The following ZMIZ1 variants were observed in gnomAD, a reference collection of about 807,000 sequenced individuals.
ZMIZ1 encodes zinc finger MIZ-type containing 1.
Under a neutral mutation model 113.9 loss-of-function variants are expected in ZMIZ1, and 17 were observed. That is an observed-to-expected ratio of 0.15 (90% confidence interval 0.10 to 0.22). The LOEUF (loss-of-function observed/expected upper bound fraction) is 0.22, where lower values mean the gene tolerates loss of function less well. ZMIZ1 is among the 10% of genes least tolerant of loss of function. The pLI is 1.00. For synonymous variants in ZMIZ1, 607 were observed against 603.1 expected (o/e 1.01, Z -0.09); for missense variants, 1,059 against 1,477.8 (o/e 0.72, Z 4.65).
At chr10:79,312,587 G>T in intron 24 of ZMIZ1, 55 bp from the exon 25 acceptor site, 2 of 1,591,726 alleles carry the variant, frequency 1.3e-6, no homozygotes, top group Non-Finnish European at 1.7e-6. Context: ...TTCCTCACCC[G>T]GGGCCTGCCT....
intron 2 of ZMIZ1, among the ~76,000 whole-genome samples, chr10:79,127,839 C>T (rs773195557): frequency 4.6e-5 from 7 of 152,150 alleles, no homozygotes; most frequent in Non-Finnish European, 1.0e-4. Flanking sequence ...GCTGGGGCTG[C>T]CAGTGGCGCT....
chr10:79,170,615 C>T lies in ZMIZ1; in HGVS notation c.-50+8482C>T, dbSNP rs1017314689. On this transcript the variant is annotated intron_variant, in intron 4 of 24. Transcript: ENST00000334512. ...AACTGGTACCTACTGGGAGGTAGGGCGGAGGCCAGAGTGGGTGGGGGCAGT... is the reference window on the plus strand; with the variant it reads ...AACTGGTACCTACTGGGAGGTAGGGTGGAGGCCAGAGTGGGTGGGGGCAGT... Among the ~76,000 whole-genome samples, 4 of 152,328 alleles carry T rather than the reference C, an allele frequency of 2.6e-5. No individual in the cohort carries two copies. The South Asian group carries it at 6.2e-4, about 24-fold the overall frequency.
chr10:79,184,084 G>A (rs703980), intron 4 of ZMIZ1, among the ~76,000 whole-genome samples: 59,991 of 152,048 alleles, frequency 0.39, 12,527 homozygotes, highest in Non-Finnish European at 0.46. Flanking sequence ...TACTGGACAG[G>A]GCCTCTGGTT....
At chr10:79,239,199 C>A (rs530964466) in intron 7 of ZMIZ1, among the ~76,000 whole-genome samples, 1 of 152,336 alleles carries the variant, frequency 6.6e-6, no homozygotes, top group South Asian at 2.1e-4. Flanking sequence ...GGAGGCAGAG[C>A]CCCTGAGTTG....
At chr10:79,310,702 G>A (rs975165834) in intron 23 of ZMIZ1, among the ~76,000 whole-genome samples, 9 of 152,116 alleles carry the variant, frequency 5.9e-5, no homozygotes, top group South Asian at 2.1e-4. Flanking sequence ...CACGTGGCCC[G>A]AGAGGTCCCC....
chr10:79,087,622 C>T (rs538970120), intron 1 of ZMIZ1, among the ~76,000 whole-genome samples: 1 of 152,338 alleles, frequency 6.6e-6, no homozygotes, highest in South Asian at 2.1e-4. Flanking sequence ...AAAAGGCACC[C>T]CTGATCTATC....
intron 1 of ZMIZ1, among the ~76,000 whole-genome samples, chr10:79,091,564 G>A (rs906535494): frequency 1.3e-5 from 2 of 152,218 alleles, no homozygotes; most frequent in Non-Finnish European, 2.9e-5. Context: ...GAATGAGCTA[G>A]AGTGGTCGGT....
intron 14 of ZMIZ1, 26 bp from the exon 15 acceptor site, chr10:79,298,380 C>G: frequency 6.2e-7 from 1 of 1,602,444 alleles, no homozygotes; most frequent in Non-Finnish European, 8.5e-7. Flanking sequence ...TCCCATAACT[C>G]GTGCGTGTCT....
At chr10:79,300,583 G>A (rs1256577510) in intron 16 of ZMIZ1, 149 bp from the exon 17 acceptor site, 6 of 1,037,762 alleles carry the variant, frequency 5.8e-6, no homozygotes, top group Non-Finnish European at 8.3e-6. Flanking sequence ...GGAGAACTCA[G>A]GCTGGGGGAA....
At chr10:79,122,400 C>T (rs1007316815) in intron 2 of ZMIZ1, among the ~76,000 whole-genome samples, 4 of 152,174 alleles carry the variant, frequency 2.6e-5, no homozygotes, top group African/African-American at 9.7e-5. Context: ...AGCGCTGCCC[C>T]TGTCTACCTT....
At chr10:79,127,043 G>A (rs906878796) in intron 2 of ZMIZ1, among the ~76,000 whole-genome samples, 1 of 152,242 alleles carries the variant, frequency 6.6e-6, no homozygotes, top group East Asian at 1.9e-4. Context: ...TAAAATGAGA[G>A]ATGCGCCTCC....
At chr10:79,223,932 G>T (rs1397430206) in intron 7 of ZMIZ1, among the ~76,000 whole-genome samples, 3 of 152,170 alleles carry the variant, frequency 2.0e-5, no homozygotes, top group African/African-American at 7.2e-5. Flanking sequence ...CCAAGGAATT[G>T]GGGGGAGGGG....
intron 4 of ZMIZ1, among the ~76,000 whole-genome samples, chr10:79,188,113 T>C (rs1847425226): frequency 6.6e-6 from 1 of 152,240 alleles, no homozygotes; most frequent in African/African-American, 2.4e-5. Context: ...ACGTAGTACA[T>C]AATGAAGGAC....
Position 79,108,938 on chromosome 10 carries a change from G to A in ZMIZ1, c.-336-9977G>A, listed in dbSNP as rs77677445. Among the ~76,000 whole-genome samples, 577 of 152,070 alleles carry A rather than the reference G, an allele frequency of 3.8e-3. 4 individuals carry two copies. The highest frequency in any genetic ancestry group is 0.014 in the African/African-American group (565 of 41,484). ...ATGCACCCAGACCCACGCCTGAGTG[G>A]GCACACCCAGGCCCACGTGCTCTGT... On this transcript the variant is annotated intron_variant, in intron 1 of 24. Coordinates refer to ENST00000334512, the MANE Select transcript of ZMIZ1 (RefSeq NM_020338.4).
chr10:79,164,200 C>T (rs898994984), intron 4 of ZMIZ1, among the ~76,000 whole-genome samples: 10 of 152,224 alleles, frequency 6.6e-5, no homozygotes, highest in Non-Finnish European at 1.5e-4. Context: ...TCAGCACCAA[C>T]AGCGGCAGCG....
chr10:79,275,193 G>A (rs1852199721), intron 7 of ZMIZ1, among the ~76,000 whole-genome samples: 1 of 152,266 alleles, frequency 6.6e-6, no homozygotes, highest in African/African-American at 2.4e-5. Context: ...CTTTCCAGCT[G>A]TAGCACATGT....
intron 4 of ZMIZ1, among the ~76,000 whole-genome samples, chr10:79,177,119 G>T (rs1346191136): frequency 6.6e-6 from 1 of 152,234 alleles, no homozygotes; most frequent in East Asian, 1.9e-4. Flanking sequence ...GCGTGGGCCT[G>T]CTCACAGCGC....
At chr10:79,155,761 G>A (rs552448710) in intron 3 of ZMIZ1, among the ~76,000 whole-genome samples, 13 of 152,340 alleles carry the variant, frequency 8.5e-5, no homozygotes, top group South Asian at 2.1e-4. Flanking sequence ...ATGCAGCTGC[G>A]CCCTGCTCAC....
intron 22 of ZMIZ1, 59 bp from the exon 23 acceptor site, chr10:79,307,345 TG>T: frequency 6.5e-7 from 1 of 1,527,918 alleles, no homozygotes; most frequent in Non-Finnish European, 9.0e-7. Context: ...CTCTGTTCCC[TG>T]GGGGTGGCCA....
Sources: allele counts gnomAD v4.1 joint callset (sites outside exome capture counted in the v4.1 genomes callset), GRCh38; gene constraint gnomAD v4.1.1; transcripts MANE v1.5; gene names NCBI Gene and HGNC (gene_info 2026-07-23, HGNC 2026-07-21).